The following RASGRP3 variants were observed in gnomAD, a reference collection of about 807,000 sequenced individuals.
The protein encoded by RASGRP3 is ras guanyl-releasing protein 3.
In RASGRP3, 54 loss-of-function variants were observed where a neutral mutation model predicts 82.7. The observed-to-expected ratio is 0.65, with a 90% CI of 0.52 to 0.82. RASGRP3 has a LOEUF of 0.82. RASGRP3 is among the 40% of genes least tolerant of loss of function. The probability of loss-of-function intolerance (pLI) is 0.00; values close to 1 mark genes in which losing one functional copy is unlikely to be tolerated. For missense variants in RASGRP3, 861 were observed against 828.9 expected (o/e 1.04, Z -0.48); for synonymous variants, 309 against 300.5 (o/e 1.03, Z -0.29).
At chr2:33,448,317 T>C (rs959888399) in intron 2 of RASGRP3, among the ~76,000 whole-genome samples, 1 of 152,182 alleles carries the variant, frequency 6.6e-6, no homozygotes, top group African/African-American at 2.4e-5. Context: ...GTCTAGGCCT[T>C]ATTTTGTGCT....
chr2:33,528,028 T>G (rs962148112), intron 10 of RASGRP3, among the ~76,000 whole-genome samples: 1 of 152,210 alleles, frequency 6.6e-6, no homozygotes. Context: ...TTGGACTTGC[T>G]TGGAGAATCC....
chr2:33,516,595 C>A lies in RASGRP3; in HGVS notation c.124C>A (p.His42Asn). The A allele has an allele frequency of 6.3e-7, 1 of 1,594,856 alleles. No individual in the cohort carries two copies. Residue 42 changes from histidine (H) to asparagine (N), a missense_variant, in exon 4 of 18, where the codon CAC becomes AAC. Transcript: ENST00000403687. Reference protein sequence around the residue: ...SYLPRIVLLMHRWYLSSTELA... With the variant: ...SYLPRIVLLMNRWYLSSTELA... ...TTTGCCAAGAATAGTTCTACTGATG[C>A]ACCGATGGTATTTATCTTCCACTGA... is the stretch of plus-strand genomic sequence containing the variant.
intron 1 of RASGRP3, among the ~76,000 whole-genome samples, chr2:33,488,648 T>A (rs2150954338): frequency 6.6e-6 from 1 of 152,274 alleles, no homozygotes; most frequent in Admixed American, 6.5e-5. Flanking sequence ...TGAAAATGAT[T>A]AACACAGGAA....
chr2:33,472,695 G>A (rs1667127829), upstream of RASGRP3, among the ~76,000 whole-genome samples: 2 of 152,044 alleles, frequency 1.3e-5, no homozygotes, highest in African/African-American at 4.8e-5. Flanking sequence ...GATGGCTCAC[G>A]CCTGTAATCC....
chr2:33,478,180 G>A (rs1018214662), intron 1 of RASGRP3, among the ~76,000 whole-genome samples: 25 of 152,174 alleles, frequency 1.6e-4, no homozygotes, highest in Non-Finnish European at 3.2e-4. Flanking sequence ...AGTTTCGGAT[G>A]CCCTGTCTAA....
At position 33,558,746 on chromosome 2, in the gene RASGRP3, G is replaced by GT. The variant is rs756395318; in HGVS notation, c.1782dup (p.Thr595TyrfsTer23). The GT allele has an allele frequency of 1.9e-6, 3 of 1,613,928 alleles. No homozygotes were observed. The Admixed American group carries it at 5.0e-5, about 27-fold the overall frequency. On this transcript the variant is annotated frameshift_variant, in exon 17 of 18. Transcript: ENST00000403687. LOFTEE classifies it high-confidence loss of function. ...TTTAGACAGCAGAGCCATCACACTG[G>GT]TTACAGGCTCTTCTCGCAAGATCTC...
intron 15 of RASGRP3, among the ~76,000 whole-genome samples, chr2:33,557,401 T>C (rs1404253627): frequency 1.3e-5 from 2 of 151,770 alleles, no homozygotes; most frequent in Non-Finnish European, 2.9e-5. Flanking sequence ...TTTTGGAAAA[T>C]GAAGAAGAGT....
intron 17 of RASGRP3, among the ~76,000 whole-genome samples, chr2:33,562,196 A>G (rs1676740771): frequency 6.6e-6 from 1 of 152,038 alleles, no homozygotes; most frequent in Non-Finnish European, 1.5e-5. Flanking sequence ...TTTAAGGTCA[A>G]CATCCTAGTT....
chr2:33,444,558 A>G (rs536140436), intron 1 of RASGRP3, among the ~76,000 whole-genome samples: 2 of 152,288 alleles, frequency 1.3e-5, no homozygotes, highest in South Asian at 4.1e-4. Flanking sequence ...CTACGGTGCC[A>G]CCCACAGCTC....
At chr2:33,507,877 G>A (rs148956672) in intron 1 of RASGRP3, among the ~76,000 whole-genome samples, 261 of 152,324 alleles carry the variant, frequency 1.7e-3, no homozygotes, top group African/African-American at 5.3e-3. Flanking sequence ...AGAATAGATT[G>A]TAGTAAAGAC....
chr2:33,538,821 T>C (rs1259544745), intron 11 of RASGRP3, among the ~76,000 whole-genome samples: 1 of 152,034 alleles, frequency 6.6e-6, no homozygotes, highest in African/African-American at 2.4e-5. Flanking sequence ...GGAGAATTGC[T>C]TGAGCCCAGG....
At chr2:33,469,277 A>G (rs1451965133) in intron 2 of RASGRP3, among the ~76,000 whole-genome samples, 1 of 152,104 alleles carries the variant, frequency 6.6e-6, no homozygotes. Flanking sequence ...AATTTTGATT[A>G]CCGTTGGATT....
intron 1 of RASGRP3, among the ~76,000 whole-genome samples, chr2:33,506,709 A>G (rs984012441): frequency 2.0e-5 from 3 of 152,194 alleles, no homozygotes; most frequent in African/African-American, 7.2e-5. Context: ...AAGGACAAAA[A>G]ATTTCTTTTA....
intron 1 of RASGRP3, among the ~76,000 whole-genome samples, chr2:33,490,432 T>C (rs1343216582): frequency 2.6e-5 from 4 of 152,254 alleles, no homozygotes; most frequent in African/African-American, 9.6e-5. Context: ...GTGACCTCCT[T>C]GTGTTAAATT....
chr2:33,494,097 A>T (rs1669094916), intron 1 of RASGRP3, among the ~76,000 whole-genome samples: 1 of 152,174 alleles, frequency 6.6e-6, no homozygotes, highest in African/African-American at 2.4e-5. Context: ...AACTTAGGCA[A>T]ATCACCTTAT....
At chr2:33,520,761 T>A in intron 6 of RASGRP3, 77 bp downstream of exon 6, 1 of 1,563,092 alleles carries the variant, frequency 6.4e-7, no homozygotes, top group Non-Finnish European at 8.7e-7. Flanking sequence ...CCCCACTTGT[T>A]CTGAGTCCAT....
In RASGRP3 at chr2:33,537,320, A is replaced by ACACACCCC. The variant is rs771052774; in HGVS notation, c.1162-1773_1162-1772insACACCCCC. 3.0e-4 allele frequency among the ~76,000 whole-genome samples: 10 copies of ACACACCCC among 33,316 alleles called. 1 individual carries two copies. Among genetic ancestry groups the ACACACCCC allele is most frequent in the Admixed American group, 7.5e-4 (2 of 2,684 alleles). The allele number at this position is 33,316 out of a possible 152,430, so 21.9% of individuals were successfully genotyped here. A position where few individuals can be genotyped will look rare whatever the true frequency, so the allele number is the denominator to read the frequency against. On this transcript the variant is annotated intron_variant, in intron 11 of 17. Transcript: ENST00000403687. ...GTCTCTAAAATACACACACACACACACCGCCCCCCCCACACACACACACAA... is the reference window on the plus strand; with the variant it reads ...GTCTCTAAAATACACACACACACACACACACCCCCCGCCCCCCCCACACACACACACAA...
intron 10 of RASGRP3, chr2:33,531,935 C>T (rs967671614): frequency 6.6e-6 from 1 of 152,216 alleles, no homozygotes; most frequent in Admixed American, 6.5e-5. Flanking sequence ...CATGCTCCTC[C>T]AAGTCTGCAC....
upstream of RASGRP3, among the ~76,000 whole-genome samples, chr2:33,475,667 G>C (rs1006151398): frequency 2.6e-5 from 4 of 152,160 alleles, no homozygotes; most frequent in Non-Finnish European, 5.9e-5. Context: ...CAGACACTAC[G>C]TAAAGTCAGA....
Sources: gnomAD v4.1 joint callset for allele counts (sites outside exome capture counted in the v4.1 genomes callset) on GRCh38, gnomAD v4.1.1 for gene constraint, MANE v1.5 for transcripts, NCBI Gene and HGNC (gene_info 2026-07-23, HGNC 2026-07-21) for gene names.